DCT: variants seen among roughly 807,000 people sequenced by gnomAD.
The protein encoded by DCT is dopachrome tautomerase, also known as L-dopachrome tautomerase.
Under a neutral mutation model 53.0 loss-of-function variants are expected in DCT, and 47 were observed. The observed-to-expected ratio is 0.89, with a 90% CI of 0.70 to 1.13. The LOEUF (loss-of-function observed/expected upper bound fraction) is 1.13. DCT is among the 50% of genes most tolerant of loss of function. The probability of loss-of-function intolerance (pLI) is 0.00; values close to 1 mark genes in which losing one functional copy is unlikely to be tolerated. For missense variants in DCT, 669 were observed against 637.4 expected (o/e 1.05, Z -0.53); for synonymous variants, 244 against 237.0 (o/e 1.03, Z -0.27).
At chr13:94,502,598 T>C in the DCT span, among the ~76,000 whole-genome samples, 23 of 152,278 alleles carry the variant, frequency 1.5e-4, no homozygotes, top group Non-Finnish European at 2.8e-4. Context: ...ATCTGGCCAG[T>C]CCTTCGCTTG....
the DCT span, among the ~76,000 whole-genome samples, chr13:94,529,225 G>C: frequency 0.36 from 54,359 of 151,936 alleles, 10,056 homozygotes; most frequent in East Asian, 0.61. Flanking sequence ...ATATTAGACA[G>C]ATCAATGAGA....
chr13:94,474,515 T>C (rs1045660741), intron 1 of DCT, among the ~76,000 whole-genome samples: 3 of 152,184 alleles, frequency 2.0e-5, no homozygotes, highest in African/African-American at 7.2e-5. Context: ...ATTTCAGAGA[T>C]TGGAAAATGG....
chr13:94,519,117 C>T, the DCT span, among the ~76,000 whole-genome samples: 1 of 152,186 alleles, frequency 6.6e-6, no homozygotes, highest in African/African-American at 2.4e-5. Flanking sequence ...TCTCTACCAC[C>T]TCCCTGCCTA....
chr13:94,463,909 A>G (rs1476585160), intron 4 of DCT, among the ~76,000 whole-genome samples: 1 of 152,220 alleles, frequency 6.6e-6, no homozygotes, highest in Non-Finnish European at 1.5e-5. Context: ...CCGGTGAAGT[A>G]AGAGTTCCAG....
chr13:94,450,260 G>A (rs1014117253), intron 6 of DCT, among the ~76,000 whole-genome samples: 35 of 152,220 alleles, frequency 2.3e-4, no homozygotes, highest in African/African-American at 7.9e-4. Flanking sequence ...AGGCCACCCA[G>A]TCTCTGGTAT....
intron 1 of DCT, among the ~76,000 whole-genome samples, chr13:94,472,513 CATACAT>C (rs1884710718): frequency 2.7e-5 from 1 of 37,510 alleles, no homozygotes; most frequent in Non-Finnish European, 5.1e-5. Flanking sequence ...TAAATATATA[CATACAT>C]ACATATATAT....
chr13:94,485,140 G>A, the DCT span, among the ~76,000 whole-genome samples: 2 of 151,376 alleles, frequency 1.3e-5, no homozygotes, highest in Non-Finnish European at 2.9e-5. Flanking sequence ...GGCGGTGGGG[G>A]GGTGGCCACA....
the DCT span, among the ~76,000 whole-genome samples, chr13:94,513,280 G>A: frequency 6.6e-6 from 1 of 152,154 alleles, no homozygotes; most frequent in Admixed American, 6.5e-5. Context: ...TTGCATTCCA[G>A]TCTACAGTTG....
At chr13:94,454,411 T>C (rs1044793885) in intron 6 of DCT, among the ~76,000 whole-genome samples, 6 of 152,356 alleles carry the variant, frequency 3.9e-5, no homozygotes, top group African/African-American at 1.4e-4. Flanking sequence ...TAAATAACTT[T>C]ACAGTCTGTT....
At chr13:94,520,811 T>G in the DCT span, among the ~76,000 whole-genome samples, 2 of 152,172 alleles carry the variant, frequency 1.3e-5, no homozygotes, top group Non-Finnish European at 2.9e-5. Context: ...GGGACCAAGT[T>G]TATACCTTTC....
At chr13:94,446,652 G>A (rs144861364) in intron 6 of DCT, among the ~76,000 whole-genome samples, 34 of 152,312 alleles carry the variant, frequency 2.2e-4, no homozygotes, top group African/African-American at 7.9e-4. Flanking sequence ...TGGAGACAGT[G>A]TCTCGCTTCT....
At chr13:94,459,577 G>C (rs1259803153) in intron 6 of DCT, among the ~76,000 whole-genome samples, 1 of 152,044 alleles carries the variant, frequency 6.6e-6, no homozygotes, top group African/African-American at 2.4e-5. Context: ...GTCCAACAGG[G>C]GACACCAAGG....
Position 94,439,138 on chromosome 13 carries a change from T to C in DCT, c.*760A>G, listed in dbSNP as rs1882094314. On this transcript the variant is annotated 3_prime_UTR_variant, in exon 8 of 8. Coordinates refer to ENST00000377028, the MANE Select transcript of DCT (RefSeq NM_001922.5). ...CTCTATAATTTTATTATCTTCTCTA[T>C]TTATCACTATAGAATCAATGTGTAT... 2 of 154,642 alleles carry C rather than the reference T, an allele frequency of 1.3e-5. No homozygotes were observed. Among genetic ancestry groups the C allele is most frequent in the African/African-American group, 4.8e-5 (2 of 41,468 alleles). 9.6% of individuals were successfully genotyped at this position (154,642 alleles called of 1,614,324 possible).
chr13:94,462,060 G>A lies in DCT; in HGVS notation c.993C>T (p.Leu331=). The change falls in exon 5 of 8, where the codon CTC becomes CTT. Residue 331 remains leucine (L), a synonymous_variant. Coordinates refer to ENST00000377028, the MANE Select transcript of DCT (RefSeq NM_001922.5). ...TLKDIRDCLS[L]QKFDNPPFFQ... ...AGAAGGGAGGATTGTCAAACTTCTG[G>A]AGAGACAGGCAATCTCGTATGTCTT... The A allele has an allele frequency of 6.2e-7, 1 of 1,613,224 alleles. No homozygotes were observed. The highest frequency in any genetic ancestry group is 8.5e-7 in the Non-Finnish European group (1 of 1,179,842).
intron 1 of DCT, among the ~76,000 whole-genome samples, chr13:94,471,214 G>A (rs1358738326): frequency 2.6e-5 from 4 of 152,156 alleles, no homozygotes; most frequent in African/African-American, 4.8e-5. Context: ...CTTTTCTACA[G>A]TGGATTTTCT....
In DCT at chr13:94,473,261, C is replaced by T. The variant is rs1375516618; in HGVS notation, c.296-4216G>A. The stretch of plus-strand genomic sequence containing the variant: ...ACTATTTTGGTTTTCACCTTCAGTA[C>T]AGTATTTAGTAAATTACATGAGATA... On this transcript the variant is annotated intron_variant, in intron 1 of 7. Coordinates refer to ENST00000377028, the MANE Select transcript of DCT (RefSeq NM_001922.5). Among the ~76,000 whole-genome samples the T allele has an allele frequency of 2.6e-5, 4 of 152,222 alleles. No individual in the cohort carries two copies. The East Asian group carries it at 7.7e-4, about 29-fold the overall frequency.
the DCT span, among the ~76,000 whole-genome samples, chr13:94,497,748 G>A: frequency 6.6e-6 from 1 of 152,132 alleles, no homozygotes; most frequent in Non-Finnish European, 1.5e-5. Flanking sequence ...GGCAGAGGTG[G>A]AAGAGGTAGA....
At chr13:94,543,181 C>T in the DCT span, among the ~76,000 whole-genome samples, 2 of 152,076 alleles carry the variant, frequency 1.3e-5, no homozygotes, top group Non-Finnish European at 2.9e-5. Context: ...TCATCACAGC[C>T]GCAGGGACAG....
At chr13:94,537,679 C>T in the DCT span, among the ~76,000 whole-genome samples, 2 of 152,134 alleles carry the variant, frequency 1.3e-5, no homozygotes, top group Admixed American at 6.5e-5. Context: ...CATCCATAAC[C>T]TTAAATTAAC....
Sources: allele counts gnomAD v4.1 joint callset (sites outside exome capture counted in the v4.1 genomes callset), GRCh38; gene constraint gnomAD v4.1.1; transcripts MANE v1.5; gene names NCBI Gene and HGNC (gene_info 2026-07-23, HGNC 2026-07-21).